Variants in KCNT2 observed in about 807,000 individuals in gnomAD.
The protein encoded by KCNT2 is potassium channel subfamily T member 2.
A neutral mutation model predicts 153.8 loss-of-function variants in KCNT2; 67 were observed. The ratio of observed to expected loss-of-function variants is 0.44; its 90% CI spans 0.36 to 0.53. KCNT2 has a LOEUF of 0.53. KCNT2 is among the 20% of genes least tolerant of loss of function. KCNT2 has a pLI of 0.00. For synonymous variants in KCNT2, 500 were observed against 458.8 expected, an observed-to-expected ratio of 1.09 and a Z score of -1.15; for missense variants, 975 against 1,354.8, an observed-to-expected ratio of 0.72 and a Z score of 4.40.
At chr1:196,476,899 A>G (rs777538475) in intron 5 of KCNT2, among the ~76,000 whole-genome samples, 38 of 152,108 alleles carry the variant, frequency 2.5e-4, no homozygotes, top group South Asian at 6.2e-4. Flanking sequence ...ATTGTATTCC[A>G]TTATAACTGA....
chr1:196,467,260 TTGAGAAA>T (rs1398105108), intron 7 of KCNT2, among the ~76,000 whole-genome samples: 3 of 152,084 alleles, frequency 2.0e-5, no homozygotes, highest in Non-Finnish European at 4.4e-5. Flanking sequence ...TTTAGTGACA[TTGAGAAA>T]TTCTGAACCA....
intron 14 of KCNT2, among the ~76,000 whole-genome samples, chr1:196,368,770 T>C (rs990089625): frequency 1.3e-5 from 2 of 152,262 alleles, no homozygotes; most frequent in East Asian, 3.9e-4. Flanking sequence ...TTCTCCCAAA[T>C]CCCTACTACT....
At chr1:196,465,221 T>G in intron 8 of KCNT2, 72 bp downstream of exon 8, 2 of 803,094 alleles carry the variant, frequency 2.5e-6, no homozygotes, top group Non-Finnish European at 4.0e-6. Flanking sequence ...TGAAAGTTAT[T>G]TATAATATGG....
At chr1:196,556,785 G>A (rs1363814398) in intron 1 of KCNT2, among the ~76,000 whole-genome samples, 1 of 151,280 alleles carries the variant, frequency 6.6e-6, no homozygotes, top group Non-Finnish European at 1.5e-5. Flanking sequence ...ACACAACAGA[G>A]TACTATTTAA....
chr1:196,561,653 A>AAAAAAAAAAAG (rs1659410971), intron 1 of KCNT2, among the ~76,000 whole-genome samples: 1 of 3,590 alleles, frequency 2.8e-4, no homozygotes, highest in Non-Finnish European at 2.6e-3. Context: ...ACTTCATCTC[A>AAAAAAAAAAAG]AAAAAAAAAA....
At chr1:196,256,798 A>G (rs1656555277) in intron 26 of KCNT2, among the ~76,000 whole-genome samples, 1 of 151,558 alleles carries the variant, frequency 6.6e-6, no homozygotes, top group Non-Finnish European at 1.5e-5. Flanking sequence ...AAGCAATTCC[A>G]TCTTGAATAG....
At chr1:196,246,115 T>C (rs764953114) in intron 26 of KCNT2, among the ~76,000 whole-genome samples, 54 of 152,162 alleles carry the variant, frequency 3.5e-4, no homozygotes, top group Middle Eastern at 3.4e-3. Context: ...AGAAACAACA[T>C]ACAATGGTGC....
chr1:196,276,980 C>A (rs1482413240), intron 25 of KCNT2, among the ~76,000 whole-genome samples: 1 of 152,040 alleles, frequency 6.6e-6, no homozygotes, highest in Non-Finnish European at 1.5e-5. Flanking sequence ...CACATGGTAA[C>A]CCTTACCATT....
intron 14 of KCNT2, among the ~76,000 whole-genome samples, chr1:196,355,396 C>T (rs970100846): frequency 1.3e-5 from 2 of 151,546 alleles, no homozygotes; most frequent in African/African-American, 2.4e-5. Context: ...CAGGTGGAAC[C>T]GGAAAGCTGT....
In KCNT2 at chr1:196,387,178, C is replaced by G. The variant is rs76602768; in HGVS notation, c.1294+11385G>C. 6.8e-3 allele frequency among the ~76,000 whole-genome samples: 1,039 copies of G among 152,084 alleles called. 11 individuals carry two copies. Among genetic ancestry groups the G allele is most frequent in the African/African-American group, 0.024 (986 of 41,520 alleles). ...CCACAAACCCATCTTCTACCTACTA[C>G]TATATATTCCTTTATAAAGTGAATT... On this transcript the variant is annotated intron_variant, in intron 13 of 27. Coordinates refer to ENST00000294725, the MANE Select transcript of KCNT2 (RefSeq NM_198503.5).
chr1:196,455,493 A>T (rs1343045629), intron 8 of KCNT2, among the ~76,000 whole-genome samples: 1 of 151,926 alleles, frequency 6.6e-6, no homozygotes, highest in Non-Finnish European at 1.5e-5. Flanking sequence ...CTCTAGACTC[A>T]CATCTTTCCT....
At chr1:196,409,314 GT>G (rs1402265991) in intron 12 of KCNT2, among the ~76,000 whole-genome samples, 2 of 150,884 alleles carry the variant, frequency 1.3e-5, no homozygotes, top group African/African-American at 4.9e-5. Flanking sequence ...AATCATACAG[GT>G]TTTCAAAATC....
At chr1:196,341,577 C>T (rs1234080313) in intron 15 of KCNT2, among the ~76,000 whole-genome samples, 1 of 151,440 alleles carries the variant, frequency 6.6e-6, no homozygotes, top group East Asian at 1.9e-4. Flanking sequence ...TACATTTTTA[C>T]TTCTTAAGTA....
chr1:196,331,767 A>G (rs1572065391), intron 17 of KCNT2, among the ~76,000 whole-genome samples: 1 of 152,140 alleles, frequency 6.6e-6, no homozygotes, highest in African/African-American at 2.4e-5. Context: ...TTTTTACAAA[A>G]TACATTTAAG....
chr1:196,593,510 A>G (rs1663670605), intron 1 of KCNT2, among the ~76,000 whole-genome samples: 1 of 151,944 alleles, frequency 6.6e-6, no homozygotes, highest in Non-Finnish European at 1.5e-5. Context: ...GTAGATACCC[A>G]GTAGTGGGAT....
chr1:196,538,614 G>A (rs571344477), intron 1 of KCNT2, among the ~76,000 whole-genome samples: 7 of 152,238 alleles, frequency 4.6e-5, no homozygotes, highest in African/African-American at 9.6e-5. Context: ...TGCGCCTAAC[G>A]TGGTGTGGTT....
rs1448455240 is a variant in KCNT2, at chr1:196,340,327, T to A, written c.1783+14A>T. 10 of 1,366,552 alleles carry A rather than the reference T, an allele frequency of 7.3e-6. No homozygotes were observed. In the Admixed American group the frequency reaches 2.1e-4, roughly 28 times the overall value. The allele number at this position is 1,366,552 out of a possible 1,614,324, so 84.7% of individuals were successfully genotyped here. ...GAAATAAATTAATGATATTTCAAAT[T>A]TGTTTATACTTACCCATGCTGGCAA... On this transcript the variant is annotated intron_variant, in intron 16 of 27. Transcript: ENST00000294725.
Position 196,363,633 on chromosome 1 carries a change from C to T in KCNT2, c.1403+9507G>A, listed in dbSNP as rs74136527. 3.9e-3 allele frequency among the ~76,000 whole-genome samples: 588 copies of T among 152,210 alleles called. 4 individuals carry two copies. The highest frequency in any genetic ancestry group is 0.013 in the African/African-American group (560 of 41,548). Reference sequence around the variant, plus strand: ...TGGGTTTGTTATAAACATGAGTTCACCCTCCTCATTAGCTCCCTTTACACA... The same window carrying T: ...TGGGTTTGTTATAAACATGAGTTCATCCTCCTCATTAGCTCCCTTTACACA... On this transcript the variant is annotated intron_variant, in intron 14 of 27. Transcript: ENST00000294725.
At chr1:196,602,542 G>T (rs910780601) in intron 1 of KCNT2, among the ~76,000 whole-genome samples, 4 of 152,042 alleles carry the variant, frequency 2.6e-5, no homozygotes, top group African/African-American at 9.7e-5. Context: ...GCAGAAAGTG[G>T]CTATATGATA....
Sources: allele counts gnomAD v4.1 joint callset (sites outside exome capture counted in the v4.1 genomes callset), GRCh38; gene constraint gnomAD v4.1.1; transcripts MANE v1.5; gene names NCBI Gene and HGNC (gene_info 2026-07-23, HGNC 2026-07-21).